Variants in RTF2 observed in about 807,000 individuals in gnomAD.
The protein encoded by RTF2 is UPF0549 protein C20orf43.
In RTF2, 18 loss-of-function variants were observed where a neutral mutation model predicts 38.0. The ratio of observed to expected loss-of-function variants is 0.47; its 90% CI spans 0.33 to 0.70. The LOEUF is 0.70. Ranked by LOEUF, RTF2 falls within the 30% of genes least tolerant of loss-of-function variation. The pLI, the probability that RTF2 is intolerant of heterozygous loss-of-function variation, is 0.02. For synonymous variants in RTF2, 126 were observed against 137.1 expected, an observed-to-expected ratio of 0.92 and a Z score of 0.57; for missense variants, 311 against 379.6, an observed-to-expected ratio of 0.82 and a Z score of 1.50.
rs182942077 is a variant in RTF2, at chr20:56,495,394, G to A, written c.477+11205G>A. On this transcript the variant is annotated intron_variant, in intron 5 of 8. Transcript: ENST00000357348. Reference sequence around the variant, plus strand: ...GCTATCATTTCCATTTCCTCTAGATGAGGTAGTCAATGAGAAAAGTAGAGG... The same window carrying A: ...GCTATCATTTCCATTTCCTCTAGATAAGGTAGTCAATGAGAAAAGTAGAGG... The A allele has an allele frequency of 2.4e-4, 225 of 943,758 alleles. 4 individuals carry two copies. In the African/African-American group the frequency reaches 2.5e-3, roughly 10 times the overall value. 58.5% of individuals were successfully genotyped at this position (943,758 alleles called of 1,614,324 possible). A position where few individuals can be genotyped will look rare whatever the true frequency, so the allele number is the denominator to read the frequency against.
intron 8 of RTF2, 145 bp downstream of exon 8, chr20:56,517,346 G>C: frequency 1.5e-6 from 1 of 659,602 alleles, no homozygotes; most frequent in Non-Finnish European, 2.7e-6. Context: ...ACTCTCTTTA[G>C]GGGGGTAACT....
At chr20:56,506,801 C>G (rs911525659) in intron 5 of RTF2, among the ~76,000 whole-genome samples, 1 of 152,162 alleles carries the variant, frequency 6.6e-6, no homozygotes, top group Non-Finnish European at 1.5e-5. Flanking sequence ...CCCAGCTTCA[C>G]GCCATTCTCC....
intron 5 of RTF2, among the ~76,000 whole-genome samples, chr20:56,487,729 G>GTCC (rs1982870582): frequency 6.6e-6 from 1 of 152,324 alleles, no homozygotes; most frequent in African/African-American, 2.4e-5. Flanking sequence ...TATAGTTCTG[G>GTCC]AGACTAACGT....
At chr20:56,507,301 A>C (rs1416785790) in intron 5 of RTF2, among the ~76,000 whole-genome samples, 1 of 151,954 alleles carries the variant, frequency 6.6e-6, no homozygotes, top group South Asian at 2.1e-4. Context: ...GAACCACTGC[A>C]CTCAGGTCTC....
intron 4 of RTF2, among the ~76,000 whole-genome samples, chr20:56,482,597 G>A (rs1238105594): frequency 1.3e-5 from 2 of 152,288 alleles, no homozygotes; most frequent in South Asian, 2.1e-4. Context: ...AAAACATTGG[G>A]CCTTTGTAAA....
intron 5 of RTF2, among the ~76,000 whole-genome samples, chr20:56,493,707 T>C (rs1232331493): frequency 1.3e-5 from 2 of 149,854 alleles, no homozygotes; most frequent in African/African-American, 2.5e-5. Flanking sequence ...TGGGAGAAAC[T>C]TAGGACATAA....
intron 5 of RTF2, chr20:56,496,623 G>A (rs537406710): frequency 2.0e-5 from 29 of 1,473,576 alleles, no homozygotes; most frequent in Admixed American, 5.4e-5. Context: ...CATCCATATC[G>A]GTGGGTCTTT....
intron 8 of RTF2, among the ~76,000 whole-genome samples, chr20:56,517,651 C>T (rs1395858485): frequency 6.6e-6 from 1 of 152,168 alleles, no homozygotes; most frequent in Non-Finnish European, 1.5e-5. Context: ...AAAACTCACT[C>T]TCTGTAACTC....
intron 4 of RTF2, among the ~76,000 whole-genome samples, chr20:56,480,143 T>A (rs928277541): frequency 1.3e-5 from 2 of 152,222 alleles, no homozygotes; most frequent in African/African-American, 4.8e-5. Flanking sequence ...TTATCTACAC[T>A]AAAAATCTGT....
At chr20:56,488,138 A>C (rs1365997313) in intron 5 of RTF2, among the ~76,000 whole-genome samples, 1 of 152,144 alleles carries the variant, frequency 6.6e-6, no homozygotes, top group African/African-American at 2.4e-5. Context: ...AGGTGGTTGG[A>C]TCACTTGAGG....
intron 5 of RTF2, among the ~76,000 whole-genome samples, chr20:56,508,255 G>A (rs1032979998): frequency 1.3e-5 from 2 of 152,134 alleles, no homozygotes; most frequent in African/African-American, 4.8e-5. Context: ...GGTATCTTCT[G>A]TGCATTTGGG....
chr20:56,468,750 CGAA>C lies in RTF2; in HGVS notation c.58_60del (p.Lys20del). The C allele has an allele frequency of 8.2e-6, 13 of 1,586,634 alleles. No homozygotes were observed. Among genetic ancestry groups the C allele is most frequent in the Non-Finnish European group, 1.1e-5 (13 of 1,166,776 alleles). ...AAGAGGCATGAACTGGTGAAGGGGC[CGAA>C]GAAGGTTGAGAAGGTCAGTGATGTG... On this transcript the variant is annotated inframe_deletion, in exon 1 of 9. Transcript: ENST00000357348.
intron 6 of RTF2, chr20:56,516,303 C>T (rs1985039115): frequency 6.6e-6 from 1 of 152,142 alleles, no homozygotes; most frequent in South Asian, 2.1e-4. Context: ...TCAATTCCAA[C>T]GCAGCTGTGT....
intron 5 of RTF2, among the ~76,000 whole-genome samples, chr20:56,505,368 G>T (rs902475870): frequency 1.3e-5 from 2 of 151,896 alleles, no homozygotes; most frequent in African/African-American, 4.8e-5. Flanking sequence ...CGCACCTGTA[G>T]TCCTAGCTAC....
At chr20:56,512,050 G>C (rs1360909238) in intron 5 of RTF2, among the ~76,000 whole-genome samples, 1 of 152,086 alleles carries the variant, frequency 6.6e-6, no homozygotes, top group Non-Finnish European at 1.5e-5. Context: ...CACCATATTG[G>C]TCAGGCTGGT....
intron 1 of RTF2, among the ~76,000 whole-genome samples, chr20:56,469,207 C>T (rs1382421679): frequency 6.6e-6 from 1 of 152,154 alleles, no homozygotes; most frequent in African/African-American, 2.4e-5. Context: ...CAAACTGTTC[C>T]CTTACCACAT....
chr20:56,493,341 G>C (rs778386027), intron 5 of RTF2, among the ~76,000 whole-genome samples: 1 of 152,112 alleles, frequency 6.6e-6, no homozygotes, highest in Non-Finnish European at 1.5e-5. Context: ...AATCTCAGTA[G>C]AGTTACATTT....
intron 8 of RTF2, 93 bp from the exon 9 acceptor site, chr20:56,517,994 G>A (rs1031964431): frequency 1.4e-5 from 18 of 1,290,698 alleles, no homozygotes; most frequent in Non-Finnish European, 1.9e-5. Context: ...GAACGTCTGG[G>A]ACAGAGTGAC....
intron 5 of RTF2, chr20:56,495,152 T>C (rs1359058604): frequency 7.7e-7 from 1 of 1,294,216 alleles, no homozygotes; most frequent in Non-Finnish European, 1.1e-6. Context: ...AGTTTTATAG[T>C]TGTTGTAAAA....
Sources: gnomAD v4.1 joint callset for allele counts (sites outside exome capture counted in the v4.1 genomes callset) on GRCh38, gnomAD v4.1.1 for gene constraint, MANE v1.5 for transcripts, NCBI Gene and HGNC (gene_info 2026-07-23, HGNC 2026-07-21) for gene names.